Variants in THSD4 observed in about 807,000 individuals in gnomAD.
THSD4 encodes the protein thrombospondin type 1 domain containing 4, also known as thrombospondin type-1 domain-containing protein 4.
In THSD4, 69 loss-of-function variants were observed where a neutral mutation model predicts 119.0. That is an observed-to-expected ratio of 0.58 (90% CI 0.48 to 0.71). THSD4 has a LOEUF of 0.71. Among genes scored for constraint, THSD4 ranks in the 30% least tolerant of loss-of-function variants. THSD4 has a pLI of 0.00. For synonymous variants in THSD4, 524 were observed against 540.4 expected (o/e 0.97, Z 0.42); for missense variants, 1,393 against 1,391.1 (o/e 1.00, Z -0.02).
intron 7 of THSD4, among the ~76,000 whole-genome samples, chr15:71,607,243 G>A (rs968962986): frequency 2.6e-5 from 4 of 152,224 alleles, no homozygotes; most frequent in African/African-American, 9.6e-5. Context: ...GTTGGGGAAA[G>A]ACAGCTTGGC....
At chr15:71,746,811 A>G in intron 12 of THSD4, 27 bp from the exon 13 acceptor site, 4 of 1,609,736 alleles carry the variant, frequency 2.5e-6, no homozygotes, top group Non-Finnish European at 3.4e-6. Flanking sequence ...GTTGTCTCTC[A>G]CTCTCGCTCT....
chr15:71,526,239 G>A (rs534181322), intron 7 of THSD4, among the ~76,000 whole-genome samples: 1 of 152,288 alleles, frequency 6.6e-6, no homozygotes, highest in Admixed American at 6.5e-5. Flanking sequence ...GGTTCCCAGA[G>A]AGAAATGAGC....
chr15:71,697,929 T>TTA (rs2052198628), intron 8 of THSD4, among the ~76,000 whole-genome samples: 1 of 151,896 alleles, frequency 6.6e-6, no homozygotes. Context: ...TTTTTTTTTT[T>TTA]ATGGGGGTAG....
intron 8 of THSD4, among the ~76,000 whole-genome samples, chr15:71,664,602 G>C (rs1595843245): frequency 6.6e-6 from 1 of 152,022 alleles, no homozygotes; most frequent in Non-Finnish European, 1.5e-5. Flanking sequence ...GTGTCACCCA[G>C]GTACTAAGCC....
At chr15:71,164,745 A>G (rs2043276561) in intron 3 of THSD4, 1 of 1,584,290 alleles carries the variant, frequency 6.3e-7, no homozygotes, top group Non-Finnish European at 8.5e-7. Flanking sequence ...TATAGACAAG[A>G]AAAAAAAACT....
At chr15:71,650,617 A>G (rs1350134730) in intron 7 of THSD4, among the ~76,000 whole-genome samples, 1 of 152,214 alleles carries the variant, frequency 6.6e-6, no homozygotes, top group African/African-American at 2.4e-5. Flanking sequence ...CCAGCAAAAT[A>G]GCAGAAGCAG....
intron 3 of THSD4, among the ~76,000 whole-genome samples, chr15:71,180,274 A>T (rs187468941): frequency 6.6e-5 from 10 of 152,344 alleles, no homozygotes; most frequent in African/African-American, 1.9e-4. Context: ...TATCCAGAGT[A>T]TATAGAGAAC....
chr15:71,511,317 G>C (rs2048280487), intron 7 of THSD4, among the ~76,000 whole-genome samples: 1 of 152,100 alleles, frequency 6.6e-6, no homozygotes, highest in African/African-American at 2.4e-5. Flanking sequence ...TCTCAGATTT[G>C]GTTTAGGGGC....
intron 6 of THSD4, among the ~76,000 whole-genome samples, chr15:71,328,854 G>A (rs989427285): frequency 1.3e-5 from 2 of 152,160 alleles, no homozygotes; most frequent in African/African-American, 4.8e-5. Context: ...AGGCAATGTG[G>A]TATTGTGAAA....
chr15:71,397,276 C>T (rs2046466577), intron 6 of THSD4, among the ~76,000 whole-genome samples: 1 of 152,204 alleles, frequency 6.6e-6, no homozygotes, highest in Admixed American at 6.6e-5. Flanking sequence ...TCTTTCACAG[C>T]TATAATTTCA....
chr15:71,259,563 C>T (rs1245583385), intron 6 of THSD4, among the ~76,000 whole-genome samples: 1 of 152,158 alleles, frequency 6.6e-6, no homozygotes, highest in Non-Finnish European at 1.5e-5. Flanking sequence ...TCAACTGGCT[C>T]ACAGATGTAG....
At chr15:71,598,938 G>A (rs569744792) in intron 7 of THSD4, among the ~76,000 whole-genome samples, 1 of 152,114 alleles carries the variant, frequency 6.6e-6, no homozygotes, top group African/African-American at 2.4e-5. Context: ...TTTAAAGATT[G>A]ACAAAGGCAT....
chr15:71,727,554 AT>A (rs1194280247), intron 8 of THSD4, among the ~76,000 whole-genome samples: 81 of 121,618 alleles, frequency 6.7e-4, no homozygotes, highest in African/African-American at 3.0e-3. Context: ...AAAAAAAAAA[AT>A]ATATATATAT....
intron 6 of THSD4, among the ~76,000 whole-genome samples, chr15:71,279,654 A>G (rs1449051930): frequency 6.6e-6 from 1 of 152,172 alleles, no homozygotes. Context: ...TGTCTGAATC[A>G]GCTAGTGGAG....
chr15:71,384,360 G>C (rs558898166), intron 6 of THSD4, among the ~76,000 whole-genome samples: 1 of 151,830 alleles, frequency 6.6e-6, no homozygotes, highest in Non-Finnish European at 1.5e-5. Flanking sequence ...CCTGGGCAAC[G>C]GTACAGAGCA....
At chr15:71,425,983 T>C (rs543177498) in intron 7 of THSD4, among the ~76,000 whole-genome samples, 1 of 152,320 alleles carries the variant, frequency 6.6e-6, no homozygotes, top group South Asian at 2.1e-4. Context: ...CTCGAGTCCT[T>C]GCAGAGCTGA....
chr15:71,116,455 A>C (rs2040363432), intron 1 of THSD4, among the ~76,000 whole-genome samples: 1 of 152,106 alleles, frequency 6.6e-6, no homozygotes, highest in South Asian at 2.1e-4. Context: ...GGCCCACCTA[A>C]GTATCTGGAA....
chr15:71,368,167 G>A (rs2045992206), intron 6 of THSD4, among the ~76,000 whole-genome samples: 1 of 152,092 alleles, frequency 6.6e-6, no homozygotes, highest in South Asian at 2.1e-4. Context: ...TGAGTTCTTT[G>A]TGGATTCTGG....
chr15:71,306,780 C>A (rs1203933817), intron 6 of THSD4, among the ~76,000 whole-genome samples: 15 of 152,144 alleles, frequency 9.9e-5, no homozygotes. Flanking sequence ...AAAACAACCC[C>A]AAAACATAAA....
Sources: gnomAD v4.1 joint callset for allele counts (sites outside exome capture counted in the v4.1 genomes callset) on GRCh38, gnomAD v4.1.1 for gene constraint, MANE v1.5 for transcripts, NCBI Gene and HGNC (gene_info 2026-07-23, HGNC 2026-07-21) for gene names.